TMEM132D: variants seen among roughly 807,000 people sequenced by gnomAD.
TMEM132D encodes mature OL transmembrane protein.
Under a neutral mutation model 62.3 loss-of-function variants are expected in TMEM132D, and 21 were observed. The observed-to-expected ratio is 0.34, with a 90% CI of 0.24 to 0.49. TMEM132D has a LOEUF of 0.49. Among genes scored for constraint, TMEM132D ranks in the 20% least tolerant of loss-of-function variants. The pLI is 0.99. For synonymous variants in TMEM132D, 621 were observed against 575.6 expected (o/e 1.08, Z -1.13); for missense variants, 1,346 against 1,402.8 (o/e 0.96, Z 0.65).
chr12:129,710,744 C>T (rs188894839), intron 1 of TMEM132D, among the ~76,000 whole-genome samples: 7 of 152,174 alleles, frequency 4.6e-5, no homozygotes, highest in African/African-American at 1.7e-4. Context: ...CAGAAAGAGG[C>T]GAACACTTGA....
intron 2 of TMEM132D, among the ~76,000 whole-genome samples, chr12:129,676,819 G>A (rs562477544): frequency 1.3e-5 from 2 of 151,438 alleles, no homozygotes; most frequent in African/African-American, 2.4e-5. Flanking sequence ...ATCTATCTAT[G>A]TTTATCATCT....
At chr12:129,850,315 A>G (rs1039295999) in intron 1 of TMEM132D, among the ~76,000 whole-genome samples, 1 of 152,178 alleles carries the variant, frequency 6.6e-6, no homozygotes, top group Non-Finnish European at 1.5e-5. Flanking sequence ...CCCCCAAGTC[A>G]TAATTCAACC....
chr12:129,115,301 G>A (rs374551450), intron 5 of TMEM132D, among the ~76,000 whole-genome samples: 8 of 152,164 alleles, frequency 5.3e-5, no homozygotes, highest in African/African-American at 1.9e-4. Flanking sequence ...CAGCCAACAC[G>A]ATTATCCTCC....
chr12:129,120,116 T>C (rs139420585), intron 5 of TMEM132D, among the ~76,000 whole-genome samples: 4 of 152,144 alleles, frequency 2.6e-5, no homozygotes, highest in African/African-American at 7.2e-5. Context: ...CCTGGACCAT[T>C]ATGGTGAGGA....
At position 129,279,572 on chromosome 12, in the gene TMEM132D, A is replaced by G. The variant is rs115627567; in HGVS notation, c.1299+58062T>C. Among the ~76,000 whole-genome samples, 168 of 152,134 alleles carry G rather than the reference A, an allele frequency of 1.1e-3. 1 individual carries two copies. Among genetic ancestry groups the G allele is most frequent in the African/African-American group, 3.9e-3 (162 of 41,502 alleles). On this transcript the variant is annotated intron_variant, in intron 4 of 8. Transcript: ENST00000422113. ...TGATTTTTTTTTTTGAGGGGGGTAT[A>G]AAATCGAAAACCTACAAAATCTTTC...
intron 4 of TMEM132D, among the ~76,000 whole-genome samples, chr12:129,304,039 C>T (rs1334820785): frequency 6.6e-6 from 1 of 152,176 alleles, no homozygotes; most frequent in East Asian, 1.9e-4. Flanking sequence ...ACTTGGTATA[C>T]TGATTTAAAT....
intron 2 of TMEM132D, among the ~76,000 whole-genome samples, chr12:129,534,381 A>C (rs1205949746): frequency 6.6e-6 from 1 of 151,824 alleles, no homozygotes; most frequent in Non-Finnish European, 1.5e-5. Context: ...TTGTGTTTTT[A>C]AAACATAATA....
intron 4 of TMEM132D, among the ~76,000 whole-genome samples, chr12:129,267,850 A>G (rs541886568): frequency 6.6e-6 from 1 of 152,340 alleles, no homozygotes; most frequent in East Asian, 1.9e-4. Flanking sequence ...AGATCAATGG[A>G]ACAGAACAGA....
chr12:129,142,134 G>A (rs185711397), intron 5 of TMEM132D, among the ~76,000 whole-genome samples: 3 of 152,058 alleles, frequency 2.0e-5, no homozygotes, highest in African/African-American at 7.2e-5. Context: ...CATAAATAAT[G>A]AATCACATAT....
chr12:129,256,748 G>C (rs773914745), intron 4 of TMEM132D, among the ~76,000 whole-genome samples: 1 of 152,072 alleles, frequency 6.6e-6, no homozygotes, highest in Non-Finnish European at 1.5e-5. Flanking sequence ...GTAGAGACGG[G>C]GTTTCACTGT....
chr12:129,392,716 C>A (rs1871320496), intron 3 of TMEM132D, among the ~76,000 whole-genome samples: 1 of 152,216 alleles, frequency 6.6e-6, no homozygotes, highest in Non-Finnish European at 1.5e-5. Flanking sequence ...AGCCCTCCCC[C>A]AACCCTCACC....
rs959530816 is a variant in TMEM132D, at chr12:129,570,773, A to G, written c.969-39568T>C. Among the ~76,000 whole-genome samples the G allele has an allele frequency of 3.3e-5, 5 of 152,308 alleles. No individual in the cohort carries two copies. In the East Asian group the frequency reaches 7.7e-4, roughly 24 times the overall value. On this transcript the variant is annotated intron_variant, in intron 2 of 8. Coordinates refer to ENST00000422113, the MANE Select transcript of TMEM132D (RefSeq NM_133448.3). Reference sequence around the variant, plus strand: ...GTATTTATTTCTGAAATATTCAATTATTGTTGTTACTGGTGGCTGTAGCAT... The same window carrying G: ...GTATTTATTTCTGAAATATTCAATTGTTGTTGTTACTGGTGGCTGTAGCAT...
At chr12:129,368,071 G>GA (rs1472799903) in intron 3 of TMEM132D, among the ~76,000 whole-genome samples, 1 of 152,098 alleles carries the variant, frequency 6.6e-6, no homozygotes, top group African/African-American at 2.4e-5. Context: ...AGGATTACAG[G>GA]AATGAGCCAC....
intron 2 of TMEM132D, among the ~76,000 whole-genome samples, chr12:129,609,774 G>A (rs538768967): frequency 2.7e-4 from 41 of 152,304 alleles, no homozygotes; most frequent in African/African-American, 6.7e-4. Context: ...GGACAGCAAC[G>A]TGGAACGGAA....
At chr12:129,541,387 G>A (rs1197017424) in intron 2 of TMEM132D, among the ~76,000 whole-genome samples, 2 of 152,088 alleles carry the variant, frequency 1.3e-5, no homozygotes, top group Admixed American at 6.5e-5. Context: ...ATTGTTATGT[G>A]GGAACATTGT....
chr12:129,598,268 C>T (rs185696457), intron 2 of TMEM132D, among the ~76,000 whole-genome samples: 237 of 152,266 alleles, frequency 1.6e-3, no homozygotes, highest in African/African-American at 5.3e-3. Context: ...GCACAGTTTA[C>T]TCTGGAATAA....
chr12:129,274,862 G>T (rs1305531770), intron 4 of TMEM132D, among the ~76,000 whole-genome samples: 1 of 152,186 alleles, frequency 6.6e-6, no homozygotes, highest in Non-Finnish European at 1.5e-5. Context: ...ACTCCAGCCT[G>T]GGCGACAGAG....
intron 3 of TMEM132D, among the ~76,000 whole-genome samples, chr12:129,375,106 T>C (rs1280102944): frequency 2.0e-5 from 3 of 152,198 alleles, no homozygotes. Context: ...CTCCGGGAAC[T>C]TGGGCTGCAG....
chr12:129,152,856 C>T (rs1474914027), intron 5 of TMEM132D, among the ~76,000 whole-genome samples: 1 of 152,188 alleles, frequency 6.6e-6, no homozygotes, highest in Admixed American at 6.5e-5. Context: ...TAGTTTCAGC[C>T]AACAGGAGGC....
Sources: allele counts gnomAD v4.1 joint callset (sites outside exome capture counted in the v4.1 genomes callset), GRCh38; gene constraint gnomAD v4.1.1; transcripts MANE v1.5; gene names NCBI Gene and HGNC (gene_info 2026-07-23, HGNC 2026-07-21).